OR3A2: variants seen among roughly 807,000 people sequenced by gnomAD.
OR3A2 encodes olfactory receptor 3A2.
For missense variants in OR3A2, 318 were observed against 392.8 expected, an observed-to-expected ratio of 0.81 and a Z score of 1.61; for synonymous variants, 126 against 159.3, an observed-to-expected ratio of 0.79 and a Z score of 1.57.
chr17:3,330,948 A>G (rs1272502038), intron 3 of OR3A2, among the ~76,000 whole-genome samples: 1 of 151,654 alleles, frequency 6.6e-6, no homozygotes, highest in African/African-American at 2.4e-5. Context: ...TCTGTAAAGG[A>G]TTTTATTTCT....
intron 2 of OR3A2, among the ~76,000 whole-genome samples, chr17:3,373,292 G>GT (rs2049649119): frequency 6.6e-6 from 1 of 152,186 alleles, no homozygotes; most frequent in South Asian, 2.1e-4. Flanking sequence ...AGAATGTTCT[G>GT]TAAATATCCG....
At chr17:3,336,262 C>T (rs550795057) in intron 2 of OR3A2, 136 bp from the exon 2 acceptor site, 4 of 152,280 alleles carry the variant, frequency 2.6e-5, no homozygotes, top group African/African-American at 2.4e-5. Context: ...GATGATAATT[C>T]ATTTTTTCCC....
intron 2 of OR3A2, among the ~76,000 whole-genome samples, chr17:3,341,118 G>C (rs1037361121): frequency 2.2e-4 from 33 of 152,004 alleles, no homozygotes; most frequent in Admixed American, 3.3e-4. Context: ...CCATTTGCTT[G>C]GTAGATCTTC....
chr17:3,375,682 A>C (rs960501383), intron 2 of OR3A2, among the ~76,000 whole-genome samples: 4 of 152,058 alleles, frequency 2.6e-5, no homozygotes, highest in Non-Finnish European at 4.4e-5. Context: ...TTGTTTTGCT[A>C]TATTACCAGA....
rs1567572427 is a variant in OR3A2, at chr17:3,375,169, TC to T, written c.-179+8634del. The stretch of plus-strand genomic sequence containing the variant: ...TTTTTTTTTTTTTTTTTTTTTTTTT[TC>T]TTTTTGAGACAGTCTCACTCAGTTG... On this transcript the variant is annotated intron_variant, in intron 2 of 4. Transcript: ENST00000573491. Among the ~76,000 whole-genome samples, 142 of 98,142 alleles carry T rather than the reference TC, an allele frequency of 1.4e-3. 3 individuals carry two copies. The highest frequency in any genetic ancestry group is 2.6e-3 in the East Asian group (9 of 3,448). The allele number at this position is 98,142 out of a possible 152,430, so 64.4% of individuals were successfully genotyped here. A position where few individuals can be genotyped will look rare whatever the true frequency, so the allele number is the denominator to read the frequency against.
intron 2 of OR3A2, among the ~76,000 whole-genome samples, chr17:3,347,202 T>C (rs1190936954): frequency 6.6e-6 from 1 of 151,192 alleles, no homozygotes; most frequent in African/African-American, 2.4e-5. Context: ...TGATGTTGAG[T>C]ACCTTTTCAT....
intron 2 of OR3A2, among the ~76,000 whole-genome samples, chr17:3,350,952 A>G (rs2049415005): frequency 6.6e-6 from 1 of 151,842 alleles, no homozygotes; most frequent in African/African-American, 2.4e-5. Context: ...ATCTCAATAG[A>G]TGCAGAAAAG....
chr17:3,286,118 A>G (rs373930591), upstream of OR3A2, among the ~76,000 whole-genome samples: 2 of 150,960 alleles, frequency 1.3e-5, no homozygotes, highest in Non-Finnish European at 2.9e-5. Flanking sequence ...CCCTGCGTCC[A>G]TGTGTTCTCA....
intron 3 of OR3A2, chr17:3,310,224 T>C: frequency 2.2e-6 from 1 of 455,514 alleles, no homozygotes; most frequent in Non-Finnish European, 4.5e-6. Context: ...AAGATCTCAT[T>C]GATGATTGTT....
intron 2 of OR3A2, among the ~76,000 whole-genome samples, chr17:3,378,463 G>C (rs2049703909): frequency 6.6e-6 from 1 of 152,180 alleles, no homozygotes; most frequent in Admixed American, 6.5e-5. Context: ...TGGGGGCAGG[G>C]GGCTTCCTGG....
Position 3,279,070 on chromosome 17 carries a change from CT to C in OR3A2, c.-6-148del. On this transcript the variant is annotated intron_variant, in intron 1 of 1. Coordinates refer to ENST00000642052, the Ensembl canonical transcript of OR3A2. ...TTGACCTCCTCCATCACCTCAATGC[CT>C]TTACCTTGCTCTTGGTTGACATGCC... is the stretch of plus-strand genomic sequence containing the variant. 7.4e-7 allele frequency: 1 copy of C among 1,359,606 alleles called. No individual in the cohort carries two copies. The highest frequency in any genetic ancestry group is 9.9e-7 in the Non-Finnish European group (1 of 1,005,648). The allele number at this position is 1,359,606 out of a possible 1,614,324, so 84.2% of individuals were successfully genotyped here.
intron 3 of OR3A2, among the ~76,000 whole-genome samples, chr17:3,307,907 C>A (rs2049010086): frequency 6.6e-6 from 1 of 152,150 alleles, no homozygotes; most frequent in African/African-American, 2.4e-5. Context: ...TGTCCCCACC[C>A]AAGATGATGG....
At chr17:3,278,539 G>A in exon 2 of OR3A2, 1 of 1,613,426 alleles carries the variant, frequency 6.2e-7, no homozygotes, top group Non-Finnish European at 8.5e-7. Context: ...CAGATGGCCA[G>A]GAGTCGGTCA....
At chr17:3,364,014 G>A (rs2049541920) in intron 2 of OR3A2, among the ~76,000 whole-genome samples, 1 of 152,094 alleles carries the variant, frequency 6.6e-6, no homozygotes, top group Non-Finnish European at 1.5e-5. Flanking sequence ...CCTCCAATTC[G>A]ACATGAGATT....
At chr17:3,369,386 T>C (rs2049591791) in intron 2 of OR3A2, among the ~76,000 whole-genome samples, 1 of 152,234 alleles carries the variant, frequency 6.6e-6, no homozygotes, top group South Asian at 2.1e-4. Context: ...GATAGATGGC[T>C]TTTATTACCT....
rs749676003 is a variant in OR3A2 at position 3,278,533 on chromosome 17, T to C, written c.385A>G (p.Ile129Val). The change falls in exon 2 of 2, where the codon ATC becomes GTC. Residue 129 changes from isoleucine to valine, a missense_variant. Physicochemically the swap from Ile to Val is conservative, Grantham distance 29 (BLOSUM62 3). Coordinates refer to ENST00000642052, the Ensembl canonical transcript of OR3A2. ...GTGCTGTAGGTGAGGGGCTGGCAGA[T>C]GGCCAGGAGTCGGTCATAGGCCATG... 40 of 1,613,248 alleles carry C rather than the reference T, an allele frequency of 2.5e-5. No individual in the cohort carries two copies. The East Asian group carries it at 6.7e-4, about 27-fold the overall frequency.
chr17:3,367,597 G>GTATATATATTATATATATATATATATATA, intron 2 of OR3A2, among the ~76,000 whole-genome samples: 1 of 76,850 alleles, frequency 1.3e-5, no homozygotes, highest in South Asian at 7.5e-4. Flanking sequence ...ATGTGTGTGT[G>GTATATATATTATATATATATATATATATA]TGTGTATATA....
Position 3,361,528 on chromosome 17 carries a change from T to C in OR3A2, c.-179+22276A>G, listed in dbSNP as rs920387779. Reference sequence around the variant, plus strand: ...GAGAATGCTTCCAGATTTTTGCCCATTCAGTATGATATTGGCTGTGGGTTT... The same window carrying C: ...GAGAATGCTTCCAGATTTTTGCCCACTCAGTATGATATTGGCTGTGGGTTT... On this transcript the variant is annotated intron_variant, in intron 2 of 4. Transcript: ENST00000573491. Among the ~76,000 whole-genome samples, 7 of 151,744 alleles carry C rather than the reference T, an allele frequency of 4.6e-5. 2 individuals carry two copies. The highest frequency in any genetic ancestry group is 1.7e-4 in the African/African-American group (7 of 41,004).
chr17:3,371,033 G>A (rs2049611940), intron 2 of OR3A2, among the ~76,000 whole-genome samples: 1 of 151,958 alleles, frequency 6.6e-6, no homozygotes, highest in Non-Finnish European at 1.5e-5. Flanking sequence ...CACAGACACG[G>A]CAACCATCCG....
Sources: gnomAD v4.1 joint callset for allele counts (sites outside exome capture counted in the v4.1 genomes callset) on GRCh38, gnomAD v4.1.1 for gene constraint, MANE v1.5 for transcripts, NCBI Gene and HGNC (gene_info 2026-07-23, HGNC 2026-07-21) for gene names.